The following MBD2 variants were observed in gnomAD, a reference collection of about 807,000 sequenced individuals.
MBD2 encodes methyl-CpG-binding domain protein 2.
A neutral mutation model predicts 39.3 loss-of-function variants in MBD2; 9 were observed. That is an observed-to-expected ratio of 0.23 (90% CI 0.14 to 0.40). The LOEUF (loss-of-function observed/expected upper bound fraction) is 0.40, where lower values mean the gene tolerates loss of function less well. MBD2 is among the 10% of genes least tolerant of loss of function. The pLI, the probability that MBD2 is intolerant of heterozygous loss-of-function variation, is 1.00. For missense variants in MBD2, 458 were observed against 532.6 expected (o/e 0.86, Z 1.38); for synonymous variants, 233 against 211.1 (o/e 1.10, Z -0.90).
intron 2 of MBD2, among the ~76,000 whole-genome samples, chr18:54,190,417 G>GT (rs1315256682): frequency 6.6e-6 from 1 of 152,174 alleles, no homozygotes; most frequent in Admixed American, 6.5e-5. Flanking sequence ...CTGAGTGAGC[G>GT]TGAGTGCGAC....
At chr18:54,210,213 A>C (rs1274829066) in intron 1 of MBD2, among the ~76,000 whole-genome samples, 2 of 152,198 alleles carry the variant, frequency 1.3e-5, no homozygotes. Context: ...CTGAAGAAAC[A>C]TACTAATTAA....
At chr18:54,217,056 T>G (rs2086567412) in intron 1 of MBD2, among the ~76,000 whole-genome samples, 1 of 152,068 alleles carries the variant, frequency 6.6e-6, no homozygotes, top group South Asian at 2.1e-4. Flanking sequence ...GCCACTGCAC[T>G]CCAGCCTGGG....
intron 1 of MBD2, among the ~76,000 whole-genome samples, chr18:54,209,846 T>C (rs1375663643): frequency 1.3e-5 from 2 of 152,202 alleles, no homozygotes; most frequent in African/African-American, 2.4e-5. Context: ...ACCTAAGTTC[T>C]AGTCTTACCC....
chr18:54,177,821 T>TC (rs1351178119), intron 3 of MBD2, among the ~76,000 whole-genome samples: 2 of 136,708 alleles, frequency 1.5e-5, no homozygotes, highest in East Asian at 4.6e-4. Context: ...ATTTTTTTTT[T>TC]CCTCTCTTTT....
At chr18:54,223,983 ACCCCGCCACCCCCT>A in intron 1 of MBD2, 21 bp downstream of exon 1, 3 of 745,302 alleles carry the variant, frequency 4.0e-6, no homozygotes, top group Non-Finnish European at 6.7e-6. Flanking sequence ...CCCCGGCCTG[ACCCCGCCACCCCCT>A]CCCCGCCCCC....
rs2086640608 is a variant in MBD2 at position 54,224,209 on chromosome 18, ACCGCTGCCGCCGCCGCCGCAG to A, written c.330_350del (p.Cys111_Gly117del). Reference sequence around the variant, plus strand: ...GCTCCCGCCGGGGGGCGCCGCCGCCACCGCTGCCGCCGCCGCCGCAGCCGCCGCCGTCGCCGCCAAGGCCGC... The same window carrying A: ...GCTCCCGCCGGGGGGCGCCGCCGCCACCGCCGCCGTCGCCGCCAAGGCCGC... On this transcript the variant is annotated inframe_deletion, in exon 1 of 7. Coordinates refer to ENST00000256429, the MANE Select transcript of MBD2 (RefSeq NM_003927.5). The A allele has an allele frequency of 8.6e-7, 1 of 1,160,790 alleles. No homozygotes were observed. Among genetic ancestry groups the A allele is most frequent in the Non-Finnish European group, 1.1e-6 (1 of 945,634 alleles). The allele number at this position is 1,160,790 out of a possible 1,614,324, so 71.9% of individuals were successfully genotyped here.
intron 1 of MBD2, among the ~76,000 whole-genome samples, chr18:54,222,050 AAGG>A (rs1224556011): frequency 6.6e-6 from 1 of 152,230 alleles, no homozygotes; most frequent in African/African-American, 2.4e-5. Context: ...TCTATTCCTC[AAGG>A]AGTTCAATCA....
At chr18:54,208,024 C>A (rs921855139) in intron 1 of MBD2, among the ~76,000 whole-genome samples, 1 of 150,220 alleles carries the variant, frequency 6.7e-6, no homozygotes, top group Non-Finnish European at 1.5e-5. Flanking sequence ...GGCGACAGAT[C>A]GAGAGTCTGT....
At chr18:54,208,163 C>G (rs1372965178) in intron 1 of MBD2, among the ~76,000 whole-genome samples, 2 of 151,874 alleles carry the variant, frequency 1.3e-5, no homozygotes, top group Non-Finnish European at 2.9e-5. Context: ...TAACATACCA[C>G]AAAAAAATGA....
intron 2 of MBD2, among the ~76,000 whole-genome samples, chr18:54,204,407 C>G (rs1193681143): frequency 6.6e-6 from 1 of 152,174 alleles, no homozygotes; most frequent in African/African-American, 2.4e-5. Context: ...TTTCAGATTT[C>G]AGATATTTTT....
At position 54,164,640 on chromosome 18, in the gene MBD2, G is replaced by A. The variant is rs755763266; in HGVS notation, c.992C>T (p.Thr331Ile). Residue 331 changes from threonine to isoleucine, a missense_variant, in exon 5 of 7, where the codon ACA becomes ATA. This residue lies in a region of MBD2 where 189 missense variants were observed against 296.6 expected (regional missense o/e 0.64). Coordinates refer to ENST00000256429, the MANE Select transcript of MBD2 (RefSeq NM_003927.5). ...LLSAVASALH[T>I]SSAPITGQVS... is the part of the protein sequence containing the mutation. The stretch of plus-strand genomic sequence containing the variant: ...TTGCCCTGTGATTGGCGCAGAGCTT[G>A]TGTGCAAAGCACTGGCAACAGCAGA... 3 of 1,614,156 alleles carry A rather than the reference G, an allele frequency of 1.9e-6. No individual in the cohort carries two copies. Among genetic ancestry groups the A allele is most frequent in the Non-Finnish European group, 1.7e-6 (2 of 1,180,012 alleles).
chr18:54,189,717 A>G (rs577458759), intron 2 of MBD2, among the ~76,000 whole-genome samples: 39 of 151,356 alleles, frequency 2.6e-4, no homozygotes, highest in African/African-American at 9.0e-4. Flanking sequence ...TGGCATGATC[A>G]TGGCTCACGG....
At chr18:54,194,597 A>T (rs1429796834) in intron 2 of MBD2, among the ~76,000 whole-genome samples, 1 of 151,684 alleles carries the variant, frequency 6.6e-6, no homozygotes, top group Non-Finnish European at 1.5e-5. Context: ...AAAATTTTTT[A>T]AATAATTTTA....
chr18:54,191,261 C>T (rs1249583190), intron 2 of MBD2, among the ~76,000 whole-genome samples: 1 of 152,148 alleles, frequency 6.6e-6, no homozygotes, highest in Non-Finnish European at 1.5e-5. Context: ...TAGGAATTTG[C>T]ATTTCTATTA....
At chr18:54,190,546 T>G (rs913217978) in intron 2 of MBD2, among the ~76,000 whole-genome samples, 2 of 152,224 alleles carry the variant, frequency 1.3e-5, no homozygotes, top group Non-Finnish European at 2.9e-5. Context: ...ATAATCTTGT[T>G]TATATTAATC....
chr18:54,201,678 C>T (rs955999460), intron 2 of MBD2, among the ~76,000 whole-genome samples: 5 of 151,840 alleles, frequency 3.3e-5, no homozygotes, highest in Non-Finnish European at 4.4e-5. Flanking sequence ...CTGGCTAACA[C>T]GGTGAAACTC....
chr18:54,200,741 T>C (rs2086400552), intron 2 of MBD2, among the ~76,000 whole-genome samples: 1 of 149,232 alleles, frequency 6.7e-6, no homozygotes, highest in South Asian at 2.1e-4. Context: ...TGCTGTTCAA[T>C]AGGATAGTGA....
chr18:54,203,202 ATAAC>A, intron 2 of MBD2: 1 of 1,480,686 alleles, frequency 6.8e-7, no homozygotes, highest in Non-Finnish European at 9.2e-7. Flanking sequence ...TACACTTAAC[ATAAC>A]TAAACTGTGG....
intron 3 of MBD2, among the ~76,000 whole-genome samples, chr18:54,181,911 G>C (rs1322619410): frequency 6.6e-6 from 1 of 152,138 alleles, no homozygotes; most frequent in African/African-American, 2.4e-5. Context: ...ATATACAATT[G>C]ACAGACTTCT....
Sources: gnomAD v4.1 joint callset for allele counts (sites outside exome capture counted in the v4.1 genomes callset) on GRCh38, gnomAD v4.1.1 for gene constraint, gnomAD v4.1.1 regional missense constraint, MANE v1.5 for transcripts, NCBI Gene and HGNC (gene_info 2026-07-23, HGNC 2026-07-21) for gene names.